The following PSMA5 variants were observed in gnomAD, a reference collection of about 807,000 sequenced individuals.
The protein encoded by PSMA5 is proteasome 20S subunit alpha 5, also known as proteasome subunit alpha type-5.
PSMA5 carries 3 observed loss-of-function variants against 34.5 expected under a neutral mutation model. The ratio of observed to expected loss-of-function variants is 0.09; its 90% CI spans 0.04 to 0.22. The LOEUF is 0.22. PSMA5 is among the 10% of genes least tolerant of loss of function. The pLI, the probability that PSMA5 is intolerant of heterozygous loss-of-function variation, is 1.00. For synonymous variants in PSMA5, 88 were observed against 95.8 expected, an observed-to-expected ratio of 0.92 and a Z score of 0.47; for missense variants, 120 against 286.1, an observed-to-expected ratio of 0.42 and a Z score of 4.19.
In PSMA5 at chr1:109,426,445, A is replaced by T; in HGVS notation, c.-115T>A. 2 of 1,357,694 alleles carry T rather than the reference A, an allele frequency of 1.5e-6. No homozygotes were observed. Among genetic ancestry groups the T allele is most frequent in the Non-Finnish European group, 2.1e-6 (2 of 948,230 alleles). 84.1% of individuals were successfully genotyped at this position (1,357,694 alleles called of 1,614,324 possible). A position where few individuals can be genotyped will look rare whatever the true frequency, so the allele number is the denominator to read the frequency against. The stretch of plus-strand genomic sequence containing the variant: ...CCACACGGCCGCAGTACTAAGGACC[A>T]ACTGCGCGTGCGACCGCGACCTCTT... On this transcript the variant is annotated 5_prime_UTR_variant, in exon 1 of 9. Transcript: ENST00000271308.
intron 1 of PSMA5, 95 bp from the exon 2 acceptor site, chr1:109,422,021 A>C (rs1397434206): frequency 2.5e-5 from 17 of 690,818 alleles, no homozygotes; most frequent in Non-Finnish European, 3.2e-5. Context: ...AGATAGCTAC[A>C]GAATACGCAC....
chr1:109,408,436 ACTG>A (rs1171864792), intron 8 of PSMA5, among the ~76,000 whole-genome samples: 6 of 152,160 alleles, frequency 3.9e-5, no homozygotes, highest in Non-Finnish European at 8.8e-5. Flanking sequence ...ATCTGTTTTT[ACTG>A]CTATTATAGA....
chr1:109,413,225 C>A, intron 3 of PSMA5, 90 bp from the exon 4 acceptor site: 1 of 1,192,942 alleles, frequency 8.4e-7, no homozygotes, highest in Non-Finnish European at 1.3e-6. Context: ...TGGATTGGAA[C>A]CACGGCAGCC....
At chr1:109,406,615 T>C (rs926964514) in intron 8 of PSMA5, among the ~76,000 whole-genome samples, 2 of 152,134 alleles carry the variant, frequency 1.3e-5, no homozygotes, top group African/African-American at 2.4e-5. Context: ...GGAGGACTAC[T>C]TGAGCTCATG....
intron 2 of PSMA5, among the ~76,000 whole-genome samples, chr1:109,418,017 A>T (rs903525907): frequency 6.6e-6 from 1 of 152,086 alleles, no homozygotes; most frequent in Non-Finnish European, 1.5e-5. Flanking sequence ...TGAGCCCAGG[A>T]GTTTGAGACC....
chr1:109,426,446 A>G lies in PSMA5; in HGVS notation c.-116T>C. 1.5e-6 allele frequency: 2 copies of G among 1,343,834 alleles called. No homozygotes were observed. The highest frequency in any genetic ancestry group is 1.1e-6 in the Non-Finnish European group (1 of 935,766). 83.2% of individuals were successfully genotyped at this position (1,343,834 alleles called of 1,614,324 possible). On this transcript the variant is annotated 5_prime_UTR_variant, in exon 1 of 9. Transcript: ENST00000271308. ...CACACGGCCGCAGTACTAAGGACCA[A>G]CTGCGCGTGCGACCGCGACCTCTTT...
chr1:109,412,071 A>C lies in PSMA5; in HGVS notation c.399+6T>G. The C allele has an allele frequency of 6.2e-7, 1 of 1,612,522 alleles. No homozygotes were observed. The highest frequency in any genetic ancestry group is 2.2e-5 in the East Asian group (1 of 44,876). On this transcript the variant is annotated splice_donor_region_variant and intron_variant, in intron 5 of 8. Transcript: ENST00000271308. ...TAAGAAAACTCGACAGAAGTATCAC[A>C]CTCACCATGGCACCTGGATCTGCAT... is the stretch of plus-strand genomic sequence containing the variant.
intron 8 of PSMA5, among the ~76,000 whole-genome samples, chr1:109,406,274 A>G (rs999907862): frequency 1.3e-5 from 2 of 152,244 alleles, no homozygotes; most frequent in Admixed American, 6.5e-5. Flanking sequence ...TGAGAGGTGA[A>G]GCAGTGGAGA....
At chr1:109,415,522 T>C (rs116673309) in intron 2 of PSMA5, among the ~76,000 whole-genome samples, 159 bp from the exon 3 acceptor site, 13 of 152,352 alleles carry the variant, frequency 8.5e-5, no homozygotes, top group African/African-American at 3.1e-4. Context: ...AAGTAATTAA[T>C]ATACTATTCC....
chr1:109,422,482 CTTTT>C (rs35947865), intron 1 of PSMA5, among the ~76,000 whole-genome samples: 5 of 123,928 alleles, frequency 4.0e-5, no homozygotes, highest in Admixed American at 8.7e-5. Context: ...ACAGTTATTA[CTTTT>C]TTTTTTTTTT....
At position 109,411,953 on chromosome 1, in the gene PSMA5, GA is replaced by G; in HGVS notation, c.400-19del. ...GGACGAGACTAGAACCAAAAAATAA[GA>G]GATATTAAGATAAATGGCTATAAAG... On this transcript the variant is annotated intron_variant, in intron 5 of 8. Transcript: ENST00000271308. The G allele has an allele frequency of 1.2e-6, 2 of 1,605,338 alleles. No individual in the cohort carries two copies. Among genetic ancestry groups the G allele is most frequent in the Non-Finnish European group, 1.7e-6 (2 of 1,172,130 alleles).
chr1:109,422,235 C>T (rs1054334794), intron 1 of PSMA5, among the ~76,000 whole-genome samples: 10 of 152,208 alleles, frequency 6.6e-5, no homozygotes, highest in African/African-American at 2.4e-4. Context: ...CTTACCAGTT[C>T]CTTTGGTAAG....
chr1:109,403,621 CTCTG>C (rs541027294), intron 8 of PSMA5, among the ~76,000 whole-genome samples: 156 of 152,114 alleles, frequency 1.0e-3, no homozygotes, highest in African/African-American at 3.1e-3. Flanking sequence ...CAGAAAGAGG[CTCTG>C]TCTAAAACAA....
Position 109,401,508 on chromosome 1 carries a change from A to C in PSMA5, c.*505T>G, listed in dbSNP as rs1325162420. 1 of 152,282 alleles carries C rather than the reference A, an allele frequency of 6.6e-6. No homozygotes were observed. Among genetic ancestry groups the C allele is most frequent in the African/African-American group, 2.4e-5 (1 of 41,466 alleles). The allele number at this position is 152,282 out of a possible 1,614,324, so 9.4% of individuals were successfully genotyped here. On this transcript the variant is annotated 3_prime_UTR_variant, in exon 9 of 9. Coordinates refer to ENST00000271308, the MANE Select transcript of PSMA5 (RefSeq NM_002790.4). Reference sequence around the variant, plus strand: ...TTAACATCTATTAACCACTGGGAAGAGCTGGACTAGTTCATTTATCAACAC... The same window carrying C: ...TTAACATCTATTAACCACTGGGAAGCGCTGGACTAGTTCATTTATCAACAC...
chr1:109,400,255 C>T lies in PSMA5; in HGVS notation c.*1758G>A, dbSNP rs1653455129. ...AAATGCATGTGATTCAGAGACACAA[C>T]TCACCTCTCCCAAAAGCAACATGGG... On this transcript the variant is annotated 3_prime_UTR_variant, in exon 9 of 9. Coordinates refer to ENST00000271308, the MANE Select transcript of PSMA5 (RefSeq NM_002790.4). The T allele has an allele frequency of 6.6e-6, 1 of 152,180 alleles. No homozygotes were observed. Among genetic ancestry groups the T allele is most frequent in the Admixed American group, 6.5e-5 (1 of 15,278 alleles). 9.4% of individuals were successfully genotyped at this position (152,180 alleles called of 1,614,324 possible).
chr1:109,405,452 T>TG (rs1489013994), intron 8 of PSMA5, among the ~76,000 whole-genome samples: 120 of 147,736 alleles, frequency 8.1e-4, no homozygotes, highest in Admixed American at 1.3e-3. Context: ...AAAAGGTTTT[T>TG]TTTTTTTTTT....
chr1:109,410,050 T>C (rs756961854), intron 7 of PSMA5, 36 bp from the exon 8 acceptor site: 2 of 1,324,750 alleles, frequency 1.5e-6, no homozygotes, highest in South Asian at 2.5e-5. Flanking sequence ...GCCTATTAAT[T>C]ATGCACAATC....
intron 2 of PSMA5, among the ~76,000 whole-genome samples, chr1:109,417,247 A>G (rs1654245177): frequency 6.6e-6 from 1 of 152,082 alleles, no homozygotes; most frequent in African/African-American, 2.4e-5. Flanking sequence ...ACTATAACAG[A>G]GAGTGGGAGA....
intron 2 of PSMA5, among the ~76,000 whole-genome samples, chr1:109,416,206 G>A (rs1283478263): frequency 6.6e-6 from 1 of 152,050 alleles, no homozygotes; most frequent in African/African-American, 2.4e-5. Context: ...TATCTCTAAT[G>A]TTATAACCTG....
Sources: gnomAD v4.1 joint callset for allele counts (sites outside exome capture counted in the v4.1 genomes callset) on GRCh38, gnomAD v4.1.1 for gene constraint, MANE v1.5 for transcripts, NCBI Gene and HGNC (gene_info 2026-07-23, HGNC 2026-07-21) for gene names.